The following RANBP2 variants were observed in gnomAD, a reference collection of about 807,000 sequenced individuals.
RANBP2 encodes the protein RAN binding protein 2, also known as E3 SUMO-protein ligase RanBP2.
In RANBP2, 57 loss-of-function variants were observed where a neutral mutation model predicts 303.6. That is an observed-to-expected ratio of 0.19 (90% CI 0.15 to 0.23). RANBP2 has a LOEUF of 0.23. RANBP2 is among the 10% of genes least tolerant of loss of function. RANBP2 has a pLI of 1.00. For missense variants in RANBP2, 3,138 were observed against 3,780.8 expected, an observed-to-expected ratio of 0.83 and a Z score of 4.46; for synonymous variants, 1,167 against 1,301.5, an observed-to-expected ratio of 0.90 and a Z score of 2.23.
chr2:109,271,406 C>T, the RANBP2 span, among the ~76,000 whole-genome samples: 6 of 152,196 alleles, frequency 3.9e-5, no homozygotes, highest in African/African-American at 1.2e-4. Context: ...AGAGTAAAAA[C>T]ATTTCACATT....
At chr2:109,158,547 C>T in the RANBP2 span, among the ~76,000 whole-genome samples, 1 of 152,150 alleles carries the variant, frequency 6.6e-6, no homozygotes, top group African/African-American at 2.4e-5. Context: ...TCCAGAGGCG[C>T]TCAGGGCTGT....
the RANBP2 span, among the ~76,000 whole-genome samples, chr2:109,656,620 A>T: frequency 1.2e-4 from 18 of 152,348 alleles, 1 homozygote; most frequent in South Asian, 3.7e-3. Context: ...GATTATAGGC[A>T]TGAGCCACCG....
chr2:109,149,845 A>G, the RANBP2 span, among the ~76,000 whole-genome samples: 76 of 152,350 alleles, frequency 5.0e-4, no homozygotes, highest in African/African-American at 1.8e-3. Context: ...AATTAAGATT[A>G]AAATACCAGG....
chr2:109,217,571 AC>A, the RANBP2 span, among the ~76,000 whole-genome samples: 1 of 152,186 alleles, frequency 6.6e-6, no homozygotes, highest in African/African-American at 2.4e-5. Flanking sequence ...ATTTTTCTCT[AC>A]CAGGACCTAC....
At chr2:109,284,500 G>A in the RANBP2 span, among the ~76,000 whole-genome samples, 1 of 152,126 alleles carries the variant, frequency 6.6e-6, no homozygotes, top group African/African-American at 2.4e-5. Flanking sequence ...CTCTCCTCTC[G>A]TCCAGCCTTG....
the RANBP2 span, among the ~76,000 whole-genome samples, chr2:108,958,814 C>G: frequency 9.7e-6 from 1 of 103,432 alleles, no homozygotes; most frequent in Non-Finnish European, 1.6e-5. Context: ...AATGTTACAG[C>G]CACTTGGAAG....
the RANBP2 span, among the ~76,000 whole-genome samples, chr2:109,095,795 T>C: frequency 6.6e-6 from 1 of 152,234 alleles, no homozygotes; most frequent in Admixed American, 6.5e-5. Flanking sequence ...TAAAATTTTA[T>C]TTAAAAACTA....
the RANBP2 span, among the ~76,000 whole-genome samples, chr2:109,739,706 G>T: frequency 6.6e-6 from 1 of 151,900 alleles, no homozygotes; most frequent in Admixed American, 6.6e-5. Flanking sequence ...CAATTTTGAT[G>T]TCCTTTATCT....
chr2:109,714,677 T>C, the RANBP2 span, among the ~76,000 whole-genome samples: 2 of 151,806 alleles, frequency 1.3e-5, no homozygotes, highest in Admixed American at 6.6e-5. Flanking sequence ...AGTGGTGCCA[T>C]TGGCTCACTG....
chr2:109,063,346 GT>G, the RANBP2 span, among the ~76,000 whole-genome samples: 1 of 152,168 alleles, frequency 6.6e-6, no homozygotes, highest in Non-Finnish European at 1.5e-5. Context: ...CTGTGCCTGG[GT>G]TTTCTTTTCT....
chr2:109,130,299 G>C, the RANBP2 span, among the ~76,000 whole-genome samples: 8 of 152,194 alleles, frequency 5.3e-5, no homozygotes, highest in Non-Finnish European at 1.5e-5. Flanking sequence ...GCAGCTCGCC[G>C]CTTGTTCACG....
the RANBP2 span, among the ~76,000 whole-genome samples, chr2:109,075,241 T>G: frequency 6.7e-4 from 101 of 150,214 alleles, 1 homozygote; most frequent in African/African-American, 2.4e-3. Flanking sequence ...TTTGTTTGTT[T>G]GAGATGAAGT....
At chr2:109,286,093 A>T in the RANBP2 span, among the ~76,000 whole-genome samples, 2 of 152,164 alleles carry the variant, frequency 1.3e-5, no homozygotes. Context: ...CTATCATTAC[A>T]TGGCAGTAGG....
the RANBP2 span, among the ~76,000 whole-genome samples, chr2:109,518,915 CTT>C: frequency 0.042 from 4,620 of 110,832 alleles, 256 homozygotes; most frequent in East Asian, 0.2. Context: ...TGCTACATAT[CTT>C]TTTTTTTTTT....
At chr2:109,740,391 A>G in the RANBP2 span, among the ~76,000 whole-genome samples, 1 of 152,304 alleles carries the variant, frequency 6.6e-6, no homozygotes, top group South Asian at 2.1e-4. Flanking sequence ...GGAGGCTTCA[A>G]CACCCCTCTC....
the RANBP2 span, among the ~76,000 whole-genome samples, chr2:109,516,164 G>A: frequency 6.6e-6 from 1 of 152,030 alleles, no homozygotes; most frequent in African/African-American, 2.4e-5. Flanking sequence ...CCTTGAGTGG[G>A]CTGCTGAGCC....
chr2:109,201,632 G>A, the RANBP2 span, among the ~76,000 whole-genome samples: 2 of 152,188 alleles, frequency 1.3e-5, no homozygotes, highest in South Asian at 2.1e-4. Flanking sequence ...CATGGCCTTC[G>A]TTTGGGACGT....
chr2:109,397,929 G>A, the RANBP2 span, among the ~76,000 whole-genome samples: 20 of 152,208 alleles, frequency 1.3e-4, no homozygotes, highest in African/African-American at 4.6e-4. Flanking sequence ...TGGGAGATGT[G>A]GGAAGGAGTC....
At chr2:109,081,292 G>A in the RANBP2 span, among the ~76,000 whole-genome samples, 1 of 152,014 alleles carries the variant, frequency 6.6e-6, no homozygotes, top group Non-Finnish European at 1.5e-5. Flanking sequence ...TCTATTGATC[G>A]AATTGAGTCC....
Sources: gnomAD v4.1 joint callset for allele counts (sites outside exome capture counted in the v4.1 genomes callset) on GRCh38, gnomAD v4.1.1 for gene constraint, MANE v1.5 for transcripts, NCBI Gene and HGNC (gene_info 2026-07-23, HGNC 2026-07-21) for gene names.